Variants in VSIG8 observed in about 807,000 individuals in gnomAD.
VSIG8 encodes the protein V-set and immunoglobulin domain containing 8.
VSIG8 carries 32 observed loss-of-function variants against 42.6 expected under a neutral mutation model. The observed-to-expected ratio is 0.75, with a 90% CI of 0.57 to 1.01. The LOEUF (loss-of-function observed/expected upper bound fraction) is 1.01, where lower values mean the gene tolerates loss of function less well. Ranked by LOEUF, VSIG8 falls within the 50% of genes least tolerant of loss-of-function variation. The pLI is 0.00. For synonymous variants in VSIG8, 290 were observed against 243.8 expected, an observed-to-expected ratio of 1.19 and a Z score of -1.77; for missense variants, 529 against 558.0, an observed-to-expected ratio of 0.95 and a Z score of 0.52.
Position 159,854,774 on chromosome 1 carries a change from G to A in VSIG8, c.1224C>T (p.Cys408=), listed in dbSNP as rs1648743195. 1.3e-6 allele frequency: 2 copies of A among 1,501,974 alleles called. No individual in the cohort carries two copies. Among genetic ancestry groups the A allele is most frequent in the Non-Finnish European group, 1.8e-6 (2 of 1,133,024 alleles). 93.0% of individuals were successfully genotyped at this position (1,501,974 alleles called of 1,614,324 possible). ...GCGCTCACACCAAGAGGCCGTTCTT[G>A]CACTGCACCGGCCCCTCGGCGCAGT... ...PADCAEGPVQ[C]KNGLLV The change falls in exon 7 of 7, where the codon TGC becomes TGT. Residue 408 remains cysteine, a synonymous_variant. Coordinates refer to ENST00000368100, the MANE Select transcript of VSIG8 (RefSeq NM_001013661.1).
chr1:159,859,221 C>T (rs1648946965), intron 1 of VSIG8, among the ~76,000 whole-genome samples: 1 of 152,116 alleles, frequency 6.6e-6, no homozygotes, highest in African/African-American at 2.4e-5. Context: ...GTATTTGTGG[C>T]TGCTTATGTG....
In VSIG8 at chr1:159,855,005, C is replaced by A. The variant is rs142265803; in HGVS notation, c.993G>T (p.Gly331=). ...SEIREDAVAP[G]CKASGRGSRV... ...GGCTGCCGCGCCCGCTGGCCTTGCA[C>A]CCGGGCGCCACGGCGTCCTCTCTGT... The change falls in exon 7 of 7, where the codon GGG becomes GGT. Residue 331 remains glycine, a synonymous_variant. Coordinates refer to ENST00000368100, the MANE Select transcript of VSIG8 (RefSeq NM_001013661.1). 3.7e-4 allele frequency: 583 copies of A among 1,567,796 alleles called. 3 individuals carry two copies. The African/African-American group carries it at 5.9e-3, about 16-fold the overall frequency.
rs749002103 is a variant in VSIG8, at chr1:159,858,010, A to G, written c.431-44T>C. 22 of 1,611,932 alleles carry G rather than the reference A, an allele frequency of 1.4e-5. No individual in the cohort carries two copies. In the East Asian group the frequency reaches 4.7e-4, roughly 34 times the overall value. ...TTGTAAGCCAGGGCCCAGCCAAGAGACAGAGCCAGGCTCAAAGTGGCCAAG... is the reference window on the plus strand; with the variant it reads ...TTGTAAGCCAGGGCCCAGCCAAGAGGCAGAGCCAGGCTCAAAGTGGCCAAG... On this transcript the variant is annotated intron_variant, in intron 3 of 6. Coordinates refer to ENST00000368100, the MANE Select transcript of VSIG8 (RefSeq NM_001013661.1).
At chr1:159,855,853 C>A in intron 6 of VSIG8, 30 bp downstream of exon 6, 2 of 1,528,944 alleles carry the variant, frequency 1.3e-6, no homozygotes, top group South Asian at 2.6e-5. Context: ...CCCTGCCGCA[C>A]AGCAGCATGC....
rs771180185 is a variant in VSIG8 at position 159,858,175 on chromosome 1, G to A, written c.345C>T (p.Asn115=). 9.9e-6 allele frequency: 16 copies of A among 1,614,222 alleles called. No homozygotes were observed. The South Asian group carries it at 1.6e-4, about 17-fold the overall frequency. The change falls in exon 3 of 7, where the codon AAC becomes AAT. Residue 115 remains asparagine, a synonymous_variant. Transcript: ENST00000368100. ...SQYDASINLM[N]LQVSDTATYE... ...AAGTGGCTGTATCAGATACCTGCAG[G>A]TTCATGAGGTTGATGGAGGCATCGT...
chr1:159,858,238 C>T lies in VSIG8; in HGVS notation c.282G>A (p.Gln94=), dbSNP rs781659950. ...RINHGSLPHL[Q]QRVRFAASDP... ...CTGAGGCTGCAAAGCGGACCCTCTGCTGCAGATGGGGAAGGCTGCCATGGT... is the reference window on the plus strand; with the variant it reads ...CTGAGGCTGCAAAGCGGACCCTCTGTTGCAGATGGGGAAGGCTGCCATGGT... Residue 94 remains glutamine, a synonymous_variant, in exon 3 of 7, where the codon CAG becomes CAA. Coordinates refer to ENST00000368100, the MANE Select transcript of VSIG8 (RefSeq NM_001013661.1). The T allele has an allele frequency of 1.2e-6, 2 of 1,614,238 alleles. No homozygotes were observed. The highest frequency in any genetic ancestry group is 1.6e-4 in the Middle Eastern group (1 of 6,062).
At chr1:159,858,595 G>T in intron 2 of VSIG8, 139 bp downstream of exon 2, 1 of 932,422 alleles carries the variant, frequency 1.1e-6, no homozygotes, top group Non-Finnish European at 1.6e-6. Flanking sequence ...CAATTGCAGA[G>T]CTCTCATCCC....
chr1:159,861,316 C>T (rs555293769), intron 1 of VSIG8: 1 of 152,102 alleles, frequency 6.6e-6, no homozygotes, highest in African/African-American at 2.4e-5. Flanking sequence ...CAAATTCTTT[C>T]TGAATCTTCA....
At position 159,855,017 on chromosome 1, in the gene VSIG8, G is replaced by T. The variant is rs537501892; in HGVS notation, c.981C>A (p.Ala327=). 6.4e-7 allele frequency: 1 copy of T among 1,570,838 alleles called. No individual in the cohort carries two copies. The highest frequency in any genetic ancestry group is 1.8e-5 in the Admixed American group (1 of 55,270). The change falls in exon 7 of 7, where the codon GCC becomes GCA. Residue 327 remains alanine (A), a synonymous_variant. Transcript: ENST00000368100. ...CGCTGGCCTTGCACCCGGGCGCCAC[G>T]GCGTCCTCTCTGTGGAAAACAACAG... The part of the protein sequence containing the change: ...GDLASEIRED[A]VAPGCKASGR...
At chr1:159,855,070 G>A (rs1276495396) in intron 6 of VSIG8, 44 bp from the exon 7 acceptor site, 1 of 1,563,092 alleles carries the variant, frequency 6.4e-7, no homozygotes, top group Non-Finnish European at 8.7e-7. Context: ...CTGCTCCGCA[G>A]CGGGGCGTGG....
intron 1 of VSIG8, among the ~76,000 whole-genome samples, chr1:159,859,438 G>A (rs886611352): frequency 6.6e-6 from 1 of 152,144 alleles, no homozygotes; most frequent in Non-Finnish European, 1.5e-5. Flanking sequence ...CAGCGGGGTG[G>A]TTACAATGGC....
chr1:159,859,783 C>T (rs183123051), intron 1 of VSIG8, among the ~76,000 whole-genome samples: 4 of 152,192 alleles, frequency 2.6e-5, no homozygotes, highest in Non-Finnish European at 2.9e-5. Context: ...TTGTGTGGCT[C>T]GCATGCAGCT....
chr1:159,862,203 C>T (rs114624871), intron 1 of VSIG8: 7,216 of 402,134 alleles, frequency 0.018, 104 homozygotes, highest in African/African-American at 0.044. Context: ...GCTTGCAGGG[C>T]ACCTGCACAC....
At chr1:159,860,522 C>A (rs1234374090) in intron 1 of VSIG8, 1 of 152,248 alleles carries the variant, frequency 6.6e-6, no homozygotes, top group African/African-American at 2.4e-5. Flanking sequence ...GATCCCTGAA[C>A]ATCCCCCCTA....
At position 159,854,787 on chromosome 1, in the gene VSIG8, C is replaced by A. The variant is rs1257477321; in HGVS notation, c.1211G>T (p.Gly404Val). Residue 404 changes from glycine to valine, a missense_variant, in exon 7 of 7, where the codon GGG becomes GTG. Coordinates refer to ENST00000368100, the MANE Select transcript of VSIG8 (RefSeq NM_001013661.1). ...KSAEPADCAE[G>V]PVQCKNGLLV ...GAGGCCGTTCTTGCACTGCACCGGC[C>A]CCTCGGCGCAGTCAGCCGGCTCCGC... 5 of 1,503,850 alleles carry A rather than the reference C, an allele frequency of 3.3e-6. No individual in the cohort carries two copies. In the African/African-American group the frequency reaches 7.3e-5, roughly 22 times the overall value. 93.2% of individuals were successfully genotyped at this position (1,503,850 alleles called of 1,614,324 possible).
chr1:159,859,051 C>T (rs1274681367), intron 1 of VSIG8, 139 bp from the exon 2 acceptor site: 6 of 820,552 alleles, frequency 7.3e-6, no homozygotes, highest in South Asian at 1.9e-5. Context: ...GAGGGCTGCT[C>T]GTAGTGGGTG....
rs115484427 is a variant in VSIG8, at chr1:159,854,633, C to G, written c.*120G>C. On this transcript the variant is annotated 3_prime_UTR_variant, in exon 7 of 7. Coordinates refer to ENST00000368100, the MANE Select transcript of VSIG8 (RefSeq NM_001013661.1). ...TTCCTTAGGGAAATGCCTTCACCCC[C>G]AGCCGCCTGGCAGCCTGGGGCGAGC... The G allele has an allele frequency of 3.8e-4, 504 of 1,342,344 alleles. 3 individuals carry two copies. The African/African-American group carries it at 6.0e-3, about 16-fold the overall frequency. The allele number at this position is 1,342,344 out of a possible 1,614,324, so 83.2% of individuals were successfully genotyped here.
At chr1:159,861,458 CA>C (rs1557905568) in intron 1 of VSIG8, 1 of 152,032 alleles carries the variant, frequency 6.6e-6, no homozygotes, top group Non-Finnish European at 1.5e-5. Context: ...ACACACCACA[CA>C]GGGGGAAGTC....
chr1:159,858,060 G>C lies in VSIG8; in HGVS notation c.430+30C>G, dbSNP rs769285512. On this transcript the variant is annotated intron_variant, in intron 3 of 6. Coordinates refer to ENST00000368100, the MANE Select transcript of VSIG8 (RefSeq NM_001013661.1). The stretch of plus-strand genomic sequence containing the variant: ...GCTGCCCTTGGCTCTTAAGCCAGGG[G>C]GAGAGGAGCTTAGAGGAGTCTGGCC... 3.7e-6 allele frequency: 6 copies of C among 1,613,998 alleles called. No homozygotes were observed. In the South Asian group the frequency reaches 6.6e-5, roughly 18 times the overall value.
Sources: gnomAD v4.1 joint callset for allele counts (sites outside exome capture counted in the v4.1 genomes callset) on GRCh38, gnomAD v4.1.1 for gene constraint, MANE v1.5 for transcripts, NCBI Gene and HGNC (gene_info 2026-07-23, HGNC 2026-07-21) for gene names.